SYTL2: variants seen among roughly 807,000 people sequenced by gnomAD.
SYTL2 encodes the protein synaptotagmin like 2.
Under a neutral mutation model 198.7 loss-of-function variants are expected in SYTL2, and 165 were observed. The observed-to-expected ratio is 0.83, with a 90% CI of 0.73 to 0.94. The LOEUF is 0.94. Ranked by LOEUF, SYTL2 falls within the 40% of genes least tolerant of loss-of-function variation. The pLI is 0.00. For synonymous variants in SYTL2, 966 were observed against 917.7 expected, an observed-to-expected ratio of 1.05 and a Z score of -0.95; for missense variants, 2,835 against 2,582.8, an observed-to-expected ratio of 1.10 and a Z score of -2.12.
At chr11:85,832,829 A>C in the SYTL2 span, among the ~76,000 whole-genome samples, 2 of 139,842 alleles carry the variant, frequency 1.4e-5, no homozygotes, top group African/African-American at 2.8e-5. Context: ...TTGTATCTAC[A>C]AAAAAAAAAA....
intron 8 of SYTL2, 49 bp downstream of exon 8, chr11:85,723,983 C>T: frequency 9.3e-7 from 1 of 1,076,834 alleles, no homozygotes; most frequent in Non-Finnish European, 1.3e-6. Context: ...TTTACATCAG[C>T]ATTCCATAAA....
intron 4 of SYTL2, among the ~76,000 whole-genome samples, chr11:85,738,044 C>T (rs968823293): frequency 6.6e-6 from 1 of 152,192 alleles, no homozygotes; most frequent in African/African-American, 2.4e-5. Flanking sequence ...CCTGTTACCA[C>T]CACCAGTTCT....
the SYTL2 span, among the ~76,000 whole-genome samples, chr11:85,819,462 A>C: frequency 1.3e-5 from 2 of 152,160 alleles, no homozygotes; most frequent in East Asian, 3.9e-4. Context: ...CTGAGGGTGG[A>C]AGCCCCAAGA....
At chr11:85,825,590 T>C in the SYTL2 span, among the ~76,000 whole-genome samples, 1 of 152,116 alleles carries the variant, frequency 6.6e-6, no homozygotes, top group Non-Finnish European at 1.5e-5. Context: ...TAGCAAGATT[T>C]GGGGAAGAGG....
the SYTL2 span, among the ~76,000 whole-genome samples, chr11:85,821,508 G>C: frequency 0.012 from 1,870 of 152,276 alleles, 16 homozygotes; most frequent in Middle Eastern, 0.031. Context: ...CAAAGAAGGC[G>C]AGTGTTAGGA....
intron 1 of SYTL2, among the ~76,000 whole-genome samples, chr11:85,775,465 T>A (rs903375112): frequency 9.9e-5 from 15 of 152,264 alleles, no homozygotes; most frequent in Non-Finnish European, 1.6e-4. Context: ...GGAATAAGTA[T>A]CTTCATAATC....
At chr11:85,718,418 G>A (rs1261364855) in intron 10 of SYTL2, 1 of 204,936 alleles carries the variant, frequency 4.9e-6, no homozygotes, top group African/African-American at 2.3e-5. Flanking sequence ...GCTGAGACTT[G>A]AGAATCAAAC....
the SYTL2 span, among the ~76,000 whole-genome samples, chr11:85,822,586 A>T: frequency 2.0e-4 from 31 of 152,356 alleles, no homozygotes; most frequent in African/African-American, 6.5e-4. Flanking sequence ...ACTCCCTGAC[A>T]TCTCATTTCC....
At chr11:85,805,217 G>A (rs1370954654) in intron 1 of SYTL2, among the ~76,000 whole-genome samples, 1 of 151,812 alleles carries the variant, frequency 6.6e-6, no homozygotes, top group African/African-American at 2.4e-5. Flanking sequence ...AGGGCCGAGT[G>A]TGGTGGCTCA....
chr11:85,704,930 T>C lies in SYTL2; in HGVS notation c.6117A>G (p.Glu2039=). ...CCCAGTCCCATGTTTCCAAATCAAG[T>C]TCCACCTCCCCTAGGAAACTATTGC... ...FKRNSFLGEV[E]LDLETWDWDN... Residue 2039 remains glutamate, a synonymous_variant, in exon 16 of 20, where the codon GAA becomes GAG. Transcript: ENST00000359152. The C allele has an allele frequency of 6.2e-7, 1 of 1,613,770 alleles. No homozygotes were observed. Among genetic ancestry groups the C allele is most frequent in the Non-Finnish European group, 8.5e-7 (1 of 1,179,736 alleles).
At chr11:85,852,319 G>A in the SYTL2 span, among the ~76,000 whole-genome samples, 24 of 152,284 alleles carry the variant, frequency 1.6e-4, 2 homozygotes, top group East Asian at 4.2e-3. Flanking sequence ...CCAGGACATA[G>A]ACGCTCCTAG....
chr11:85,725,807 ACTT>A lies in SYTL2; in HGVS notation c.3548_3550del (p.Glu1183del). The A allele has an allele frequency of 6.2e-7, 1 of 1,614,026 alleles. No individual in the cohort carries two copies. The highest frequency in any genetic ancestry group is 1.3e-5 in the African/African-American group (1 of 75,014). On this transcript the variant is annotated inframe_deletion, in exon 8 of 20. Transcript: ENST00000359152. ...ATTAATGATCTTCTCAGGTCCTTTG[ACTT>A]CTTCCTCAGTATCAGCAAAATCTGT... is the stretch of plus-strand genomic sequence containing the variant.
chr11:85,854,473 G>A, the SYTL2 span: 1 of 151,938 alleles, frequency 6.6e-6, no homozygotes, highest in Non-Finnish European at 1.5e-5. Flanking sequence ...GGAAATGCTG[G>A]ACTTAAATTC....
chr11:85,765,611 G>A (rs540909643), intron 1 of SYTL2, among the ~76,000 whole-genome samples: 1 of 152,224 alleles, frequency 6.6e-6, no homozygotes, highest in South Asian at 2.1e-4. Flanking sequence ...ACTTTTGTAA[G>A]GATTCTTCCA....
At chr11:85,722,939 C>T (rs1226348055) in intron 8 of SYTL2, among the ~76,000 whole-genome samples, 1 of 152,074 alleles carries the variant, frequency 6.6e-6, no homozygotes, top group Non-Finnish European at 1.5e-5. Context: ...CAAAGTAAGC[C>T]ACTCAGTAAA....
At chr11:85,721,018 A>G in intron 8 of SYTL2, 59 bp from the exon 9 acceptor site, 1 of 1,011,060 alleles carries the variant, frequency 9.9e-7, no homozygotes, top group Non-Finnish European at 1.5e-6. Flanking sequence ...AAAATCCTCT[A>G]ACATATGGAC....
chr11:85,756,942 A>G (rs1217958017), intron 2 of SYTL2, among the ~76,000 whole-genome samples: 2 of 152,228 alleles, frequency 1.3e-5, no homozygotes, highest in South Asian at 2.1e-4. Flanking sequence ...TCAAAGCCCA[A>G]GATTACACAG....
At chr11:85,762,969 C>T (rs1421515812) in intron 1 of SYTL2, among the ~76,000 whole-genome samples, 1 of 151,908 alleles carries the variant, frequency 6.6e-6, no homozygotes, top group Non-Finnish European at 1.5e-5. Context: ...AAATGATGAA[C>T]ACAGGTGGAA....
intron 1 of SYTL2, among the ~76,000 whole-genome samples, chr11:85,779,336 C>T (rs144738044): frequency 2.5e-3 from 375 of 152,182 alleles, no homozygotes; most frequent in African/African-American, 8.2e-3. Context: ...ATTGCTATTG[C>T]TATTATTTCT....
Sources: gnomAD v4.1 joint callset for allele counts (sites outside exome capture counted in the v4.1 genomes callset) on GRCh38, gnomAD v4.1.1 for gene constraint, MANE v1.5 for transcripts, NCBI Gene and HGNC (gene_info 2026-07-23, HGNC 2026-07-21) for gene names.